PTN: variants seen among roughly 807,000 people sequenced by gnomAD.
The protein encoded by PTN is heparin affin regulatory protein.
Under a neutral mutation model 24.1 loss-of-function variants are expected in PTN, and 18 were observed. The ratio of observed to expected loss-of-function variants is 0.75; its 90% CI spans 0.52 to 1.11. PTN has a LOEUF of 1.11. Among genes scored for constraint, PTN ranks in the 50% least tolerant of loss-of-function variants. The pLI, the probability that PTN is intolerant of heterozygous loss-of-function variation, is 0.00. For synonymous variants in PTN, 78 were observed against 68.6 expected (o/e 1.14, Z -0.67); for missense variants, 163 against 198.8 (o/e 0.82, Z 1.08).
chr7:137,313,133 C>T (rs981366179), intron 1 of PTN, among the ~76,000 whole-genome samples: 9 of 152,076 alleles, frequency 5.9e-5, no homozygotes, highest in South Asian at 2.1e-4. Flanking sequence ...TCACTCCCCA[C>T]GTGTCTCCAG....
At chr7:137,266,339 C>T (rs952474281) in intron 1 of PTN, among the ~76,000 whole-genome samples, 1 of 152,114 alleles carries the variant, frequency 6.6e-6, no homozygotes, top group African/African-American at 2.4e-5. Flanking sequence ...TCTTATGCCT[C>T]CTTATAGTCC....
chr7:137,323,088 A>G (rs1226912891), intron 1 of PTN, among the ~76,000 whole-genome samples: 3 of 152,172 alleles, frequency 2.0e-5, no homozygotes, highest in Non-Finnish European at 4.4e-5. Flanking sequence ...TCTTGCCTGC[A>G]CTTTCATCTT....
At chr7:137,273,744 A>T (rs981059434) in intron 1 of PTN, among the ~76,000 whole-genome samples, 2 of 152,182 alleles carry the variant, frequency 1.3e-5, no homozygotes, top group African/African-American at 4.8e-5. Flanking sequence ...CAGAGTCATT[A>T]AGTAGTCTGG....
intron 1 of PTN, among the ~76,000 whole-genome samples, chr7:137,306,656 T>A (rs1356925240): frequency 1.3e-5 from 2 of 152,120 alleles, no homozygotes; most frequent in Non-Finnish European, 2.9e-5. Flanking sequence ...CAAAAATAGC[T>A]GAGTTTTCAT....
chr7:137,322,088 T>A (rs73730312), intron 1 of PTN, among the ~76,000 whole-genome samples: 1,623 of 152,266 alleles, frequency 0.011, 37 homozygotes, highest in African/African-American at 0.038. Flanking sequence ...CCCTCGTACG[T>A]AGACTCATTT....
chr7:137,322,495 T>A (rs185375213), intron 1 of PTN, among the ~76,000 whole-genome samples: 194 of 152,336 alleles, frequency 1.3e-3, no homozygotes, highest in African/African-American at 4.3e-3. Context: ...TGTTTTAAGA[T>A]CAACCTTAAT....
At chr7:137,282,567 C>A (rs1415182445) in intron 1 of PTN, among the ~76,000 whole-genome samples, 1 of 151,684 alleles carries the variant, frequency 6.6e-6, no homozygotes, top group Admixed American at 6.6e-5. Context: ...TTTTTGGAGG[C>A]CATTAAAAAT....
At chr7:137,303,519 A>T (rs1223267761) in intron 1 of PTN, among the ~76,000 whole-genome samples, 3 of 151,956 alleles carry the variant, frequency 2.0e-5, no homozygotes, top group African/African-American at 4.8e-5. Context: ...ATATAAAAAA[A>T]TTCATAAATT....
At chr7:137,253,378 A>C in intron 3 of PTN, 86 bp downstream of exon 3, 1 of 1,350,408 alleles carries the variant, frequency 7.4e-7, no homozygotes, top group Non-Finnish European at 1.0e-6. Flanking sequence ...TTAAAATAAA[A>C]AGTACTTATC....
intron 1 of PTN, among the ~76,000 whole-genome samples, chr7:137,320,267 T>G (rs567943122): frequency 1.3e-5 from 2 of 152,364 alleles, no homozygotes; most frequent in South Asian, 4.1e-4. Context: ...ATGCTCATAC[T>G]TACTTCTTAC....
chr7:137,271,678 T>A (rs527568868), intron 1 of PTN, among the ~76,000 whole-genome samples: 40 of 152,200 alleles, frequency 2.6e-4, no homozygotes, highest in Non-Finnish European at 4.0e-4. Flanking sequence ...GGAGACTGAC[T>A]TTGAGAATCA....
At position 137,291,865 on chromosome 7, in the gene PTN, T is replaced by C. The variant is rs548567070; in HGVS notation, c.-1-36891A>G. On this transcript the variant is annotated intron_variant, in intron 1 of 4. Coordinates refer to ENST00000348225, the MANE Select transcript of PTN (RefSeq NM_002825.7). ...AATTTCTAGCCAGAGGCAGTGAAAT[T>C]TGAATGACTGCGGGTTCTTTTGACA... Among the ~76,000 whole-genome samples the C allele has an allele frequency of 1.3e-3, 200 of 152,304 alleles. 6 individuals carry two copies. In the South Asian group the frequency reaches 0.038, roughly 29 times the overall value.
chr7:137,320,862 ATTC>A (rs1158195486), intron 1 of PTN, among the ~76,000 whole-genome samples: 1 of 152,128 alleles, frequency 6.6e-6, no homozygotes, highest in African/African-American at 2.4e-5. Context: ...ATACCTTGTC[ATTC>A]TTCTTCACAC....
chr7:137,275,549 G>T (rs1195213305), intron 1 of PTN, among the ~76,000 whole-genome samples: 2 of 152,140 alleles, frequency 1.3e-5, no homozygotes, highest in East Asian at 3.8e-4. Flanking sequence ...ACATAAAAAT[G>T]CTGTAACTAA....
chr7:137,286,411 C>A (rs1809554996), intron 1 of PTN, among the ~76,000 whole-genome samples: 2 of 152,160 alleles, frequency 1.3e-5, no homozygotes, highest in South Asian at 4.1e-4. Context: ...ATCTCAATAG[C>A]AACTCATGTT....
At chr7:137,286,549 A>G (rs1809556998) in intron 1 of PTN, among the ~76,000 whole-genome samples, 1 of 152,220 alleles carries the variant, frequency 6.6e-6, no homozygotes, top group Admixed American at 6.5e-5. Context: ...ATTAACACAT[A>G]TAAAAGTAAA....
chr7:137,251,593 T>C (rs905820141), intron 3 of PTN, among the ~76,000 whole-genome samples: 2 of 149,004 alleles, frequency 1.3e-5, no homozygotes, highest in African/African-American at 2.6e-5. Context: ...ACGATCACCA[T>C]CAATATACAC....
At chr7:137,293,788 C>T (rs1386511235) in intron 1 of PTN, among the ~76,000 whole-genome samples, 1 of 152,024 alleles carries the variant, frequency 6.6e-6, no homozygotes. Context: ...GACATGTCAT[C>T]ACTCAAAGTC....
intron 1 of PTN, among the ~76,000 whole-genome samples, chr7:137,310,933 C>A (rs183344985): frequency 6.6e-6 from 1 of 152,224 alleles, no homozygotes; most frequent in East Asian, 1.9e-4. Context: ...TTCTCTCTGC[C>A]TTCATAGAAC....
Sources: allele counts gnomAD v4.1 joint callset (sites outside exome capture counted in the v4.1 genomes callset), GRCh38; gene constraint gnomAD v4.1.1; transcripts MANE v1.5; gene names NCBI Gene and HGNC (gene_info 2026-07-23, HGNC 2026-07-21).